Variants in CACNA2D1 observed in about 807,000 individuals in gnomAD.
CACNA2D1 encodes voltage-dependent calcium channel subunit alpha-2/delta-1.
In CACNA2D1, 53 loss-of-function variants were observed where a neutral mutation model predicts 171.5. The observed-to-expected ratio is 0.31, with a 90% CI of 0.25 to 0.39. CACNA2D1 has a LOEUF of 0.39. Among genes scored for constraint, CACNA2D1 ranks in the 10% least tolerant of loss-of-function variants. The pLI is 1.00. For missense variants in CACNA2D1, 903 were observed against 1,299.8 expected (o/e 0.69, Z 4.69); for synonymous variants, 442 against 443.1 (o/e 1.00, Z 0.03).
At chr7:81,972,293 G>A (rs1390230054) in intron 25 of CACNA2D1, among the ~76,000 whole-genome samples, 1 of 151,288 alleles carries the variant, frequency 6.6e-6, no homozygotes, top group Non-Finnish European at 1.5e-5. Flanking sequence ...AACTACCACT[G>A]AAATTATCAA....
chr7:82,300,072 T>A (rs1387324671), intron 3 of CACNA2D1, among the ~76,000 whole-genome samples: 2 of 152,128 alleles, frequency 1.3e-5, no homozygotes, highest in East Asian at 3.9e-4. Context: ...TAGGTGTCTC[T>A]CATTCAGAAT....
At chr7:81,959,629 G>C in intron 37 of CACNA2D1, 91 bp downstream of exon 37, 1 of 1,367,414 alleles carries the variant, frequency 7.3e-7, no homozygotes, top group Non-Finnish European at 1.0e-6. Context: ...CAGTCTAATA[G>C]TTTTCTCTTT....
intron 4 of CACNA2D1, among the ~76,000 whole-genome samples, chr7:82,159,676 G>A (rs760985876): frequency 4.6e-5 from 7 of 150,900 alleles, no homozygotes; most frequent in Non-Finnish European, 7.4e-5. Context: ...GTTATGAACC[G>A]ATATAAGTTG....
chr7:82,101,163 A>C (rs939032347), intron 6 of CACNA2D1, among the ~76,000 whole-genome samples: 20 of 152,162 alleles, frequency 1.3e-4, no homozygotes, highest in Admixed American at 9.8e-4. Flanking sequence ...ATAAAATGAA[A>C]ATCTAAAGAA....
chr7:82,350,596 C>T (rs1301994172), intron 1 of CACNA2D1, among the ~76,000 whole-genome samples: 2 of 152,122 alleles, frequency 1.3e-5, no homozygotes, highest in Non-Finnish European at 2.9e-5. Context: ...ACCCAAGAGG[C>T]GGAGCTTGCA....
At chr7:82,241,836 A>G (rs1174254563) in intron 3 of CACNA2D1, among the ~76,000 whole-genome samples, 1 of 152,098 alleles carries the variant, frequency 6.6e-6, no homozygotes, top group Admixed American at 6.6e-5. Flanking sequence ...GAGCAGGAAT[A>G]TATGCTACTA....
intron 6 of CACNA2D1, among the ~76,000 whole-genome samples, chr7:82,088,779 C>G (rs1293277392): frequency 6.6e-6 from 1 of 151,824 alleles, no homozygotes; most frequent in Non-Finnish European, 1.5e-5. Context: ...TTTATATTCT[C>G]AATTATATAT....
intron 9 of CACNA2D1, among the ~76,000 whole-genome samples, chr7:82,063,565 T>A (rs1807224439): frequency 6.6e-6 from 1 of 151,684 alleles, no homozygotes; most frequent in South Asian, 2.1e-4. Context: ...AGATTTTTTT[T>A]TTTTTTTCCT....
intron 3 of CACNA2D1, among the ~76,000 whole-genome samples, chr7:82,217,378 TACAC>T (rs1340494071): frequency 8.8e-6 from 1 of 113,710 alleles, no homozygotes; most frequent in Non-Finnish European, 1.7e-5. Flanking sequence ...TACACACATA[TACAC>T]ACACACACAT....
intron 1 of CACNA2D1, among the ~76,000 whole-genome samples, chr7:82,364,864 T>C (rs892367512): frequency 2.6e-5 from 4 of 152,238 alleles, no homozygotes; most frequent in African/African-American, 9.6e-5. Context: ...GACAATAGGA[T>C]TAATGCAAGA....
At chr7:82,249,417 G>T (rs758725339) in intron 3 of CACNA2D1, among the ~76,000 whole-genome samples, 7 of 152,114 alleles carry the variant, frequency 4.6e-5, no homozygotes, top group Non-Finnish European at 1.0e-4. Flanking sequence ...CATTTGGCTT[G>T]GTTAAAAAGC....
intron 22 of CACNA2D1, among the ~76,000 whole-genome samples, chr7:81,983,648 C>A (rs1554338294): frequency 1.3e-5 from 2 of 152,120 alleles, no homozygotes; most frequent in Non-Finnish European, 2.9e-5. Context: ...ATTTACTAAT[C>A]AAAGACTCAC....
At chr7:82,392,775 C>T (rs1825280232) in intron 1 of CACNA2D1, among the ~76,000 whole-genome samples, 1 of 152,042 alleles carries the variant, frequency 6.6e-6, no homozygotes. Context: ...AAAAGAAAAT[C>T]ATTGGGTCTT....
intron 3 of CACNA2D1, among the ~76,000 whole-genome samples, chr7:82,318,548 A>T (rs1462282936): frequency 6.6e-6 from 1 of 152,200 alleles, no homozygotes; most frequent in Non-Finnish European, 1.5e-5. Context: ...TAATGCAAGT[A>T]AGTCTAGAGA....
chr7:82,412,578 C>G (rs547114930), intron 1 of CACNA2D1, among the ~76,000 whole-genome samples: 1 of 151,970 alleles, frequency 6.6e-6, no homozygotes, highest in South Asian at 2.1e-4. Context: ...CCACTGTGCC[C>G]GGCCTAGTGC....
At chr7:82,081,359 A>G (rs1206593224) in intron 7 of CACNA2D1, among the ~76,000 whole-genome samples, 3 of 152,200 alleles carry the variant, frequency 2.0e-5, no homozygotes, top group Non-Finnish European at 4.4e-5. Context: ...ACAGTCTTAC[A>G]AAAACAGAAA....
chr7:82,442,320 T>G (rs554027814), intron 1 of CACNA2D1, among the ~76,000 whole-genome samples: 1 of 152,208 alleles, frequency 6.6e-6, no homozygotes, highest in Non-Finnish European at 1.5e-5. Context: ...AAAGCTACCT[T>G]GGGCTTTGTT....
intron 6 of CACNA2D1, among the ~76,000 whole-genome samples, chr7:82,091,661 T>C (rs1258030877): frequency 1.3e-5 from 2 of 152,260 alleles, no homozygotes; most frequent in African/African-American, 4.8e-5. Flanking sequence ...ATTGTAAGAT[T>C]TGAGGAGGGA....
chr7:82,295,690 T>C (rs2129420073), intron 3 of CACNA2D1, among the ~76,000 whole-genome samples: 1 of 151,934 alleles, frequency 6.6e-6, no homozygotes, highest in South Asian at 2.1e-4. Context: ...AATGAGTCAC[T>C]ATTGCTATAA....
Sources: gnomAD v4.1 joint callset for allele counts (sites outside exome capture counted in the v4.1 genomes callset) on GRCh38, gnomAD v4.1.1 for gene constraint, MANE v1.5 for transcripts, NCBI Gene and HGNC (gene_info 2026-07-23, HGNC 2026-07-21) for gene names.